The following EPM2A variants were observed in gnomAD, a reference collection of about 807,000 sequenced individuals.
The protein encoded by EPM2A is laforin.
A neutral mutation model predicts 26.5 loss-of-function variants in EPM2A; 21 were observed. That is an observed-to-expected ratio of 0.79 (90% CI 0.56 to 1.14). The LOEUF (loss-of-function observed/expected upper bound fraction) is 1.14, where lower values mean the gene tolerates loss of function less well. Ranked by LOEUF, EPM2A falls within the 50% of genes most tolerant of loss-of-function variation. The pLI is 0.00. For missense variants in EPM2A, 458 were observed against 440.8 expected, an observed-to-expected ratio of 1.04 and a Z score of -0.35; for synonymous variants, 217 against 177.6, an observed-to-expected ratio of 1.22 and a Z score of -1.76.
chr6:145,440,401 T>C lies in EPM2A; in HGVS notation c.556-56304A>G, dbSNP rs111546651. Among the ~76,000 whole-genome samples the C allele has an allele frequency of 3.3e-5, 5 of 152,268 alleles. No homozygotes were observed. The East Asian group carries it at 9.7e-4, about 29-fold the overall frequency. ...GCTGCAATTCAAGTTGAGATTTAGG[T>C]GGTGACACTGCCAAACCATATAATT... On this transcript the variant is annotated intron_variant, in intron 4 of 4. Coordinates refer to the EPM2A transcript ENST00000638717.
At chr6:145,443,321 A>G (rs1025906973) in intron 4 of EPM2A, among the ~76,000 whole-genome samples, 1 of 152,208 alleles carries the variant, frequency 6.6e-6, no homozygotes, top group African/African-American at 2.4e-5. Context: ...TGCTTTGGGC[A>G]GTATAGCCAT....
chr6:145,619,543 C>T (rs1472388360), intron 2 of EPM2A, among the ~76,000 whole-genome samples: 1 of 152,162 alleles, frequency 6.6e-6, no homozygotes, highest in Admixed American at 6.5e-5. Context: ...GAGAGCTGGG[C>T]ACTCATAAGC....
intron 2 of EPM2A, among the ~76,000 whole-genome samples, chr6:145,678,977 G>C (rs1031662564): frequency 6.6e-6 from 1 of 152,064 alleles, no homozygotes; most frequent in African/African-American, 2.4e-5. Flanking sequence ...ATTATTCACA[G>C]TAGCAAAGAC....
intron 4 of EPM2A, among the ~76,000 whole-genome samples, chr6:145,426,116 G>A (rs1331235409): frequency 6.6e-6 from 1 of 152,074 alleles, no homozygotes; most frequent in Admixed American, 6.5e-5. Context: ...CTCTTCTCTG[G>A]TTGATATTCT....
exon 4 of EPM2A, chr6:145,501,742 G>A (rs1378806241): frequency 6.4e-6 from 3 of 469,216 alleles, no homozygotes; most frequent in Admixed American, 2.4e-5. Context: ...GTGTGAGCTT[G>A]CACCAGTCGT....
intron 2 of EPM2A, among the ~76,000 whole-genome samples, chr6:145,570,042 C>T (rs758281953): frequency 6.6e-6 from 1 of 152,040 alleles, no homozygotes; most frequent in Non-Finnish European, 1.5e-5. Flanking sequence ...GGATGCTAGG[C>T]CAGTCTCTGT....
At chr6:145,713,478 T>C (rs892289396) in intron 1 of EPM2A, among the ~76,000 whole-genome samples, 1 of 152,210 alleles carries the variant, frequency 6.6e-6, no homozygotes, top group Non-Finnish European at 1.5e-5. Flanking sequence ...ATAAAGCCAA[T>C]AAGTACCTGA....
intron 1 of EPM2A, among the ~76,000 whole-genome samples, chr6:145,693,456 T>C (rs533894774): frequency 1.3e-5 from 2 of 152,050 alleles, no homozygotes; most frequent in South Asian, 4.1e-4. Flanking sequence ...CTCTCACTTA[T>C]AAATGGAAGC....
intron 1 of EPM2A, among the ~76,000 whole-genome samples, chr6:145,708,425 A>C (rs900449486): frequency 6.6e-6 from 1 of 152,170 alleles, no homozygotes; most frequent in Admixed American, 6.5e-5. Flanking sequence ...CCCAGGGCCC[A>C]CTGCTGTATG....
chr6:145,592,231 A>G (rs374124645), intron 2 of EPM2A, among the ~76,000 whole-genome samples: 17 of 136,206 alleles, frequency 1.2e-4, no homozygotes, highest in African/African-American at 4.5e-4. Context: ...TCATTGTTCA[A>G]TTCCCACCTA....
At chr6:145,664,793 C>A (rs1400362589) in intron 2 of EPM2A, among the ~76,000 whole-genome samples, 1 of 151,842 alleles carries the variant, frequency 6.6e-6, no homozygotes, top group Non-Finnish European at 1.5e-5. Context: ...TGTAAAAGAA[C>A]AGAAATTATA....
intron 2 of EPM2A, among the ~76,000 whole-genome samples, chr6:145,661,538 G>A (rs541812960): frequency 2.6e-5 from 4 of 152,290 alleles, no homozygotes; most frequent in Admixed American, 1.3e-4. Context: ...AAGCTGAAAA[G>A]CTTTCACAGT....
chr6:145,605,312 G>T (rs1254799250), intron 2 of EPM2A, among the ~76,000 whole-genome samples: 1 of 152,078 alleles, frequency 6.6e-6, no homozygotes, highest in African/African-American at 2.4e-5. Flanking sequence ...CTTTGGCTTA[G>T]CATGTTCTTA....
intron 2 of EPM2A, among the ~76,000 whole-genome samples, chr6:145,563,930 C>A (rs762383592): frequency 5.3e-5 from 8 of 152,148 alleles, no homozygotes; most frequent in Non-Finnish European, 1.2e-4. Flanking sequence ...GAATCGGTTC[C>A]AGGATGCCCA....
chr6:145,554,272 C>G (rs1254612563), intron 2 of EPM2A, among the ~76,000 whole-genome samples: 3 of 151,882 alleles, frequency 2.0e-5, no homozygotes, highest in African/African-American at 7.3e-5. Context: ...AAGTATGGAC[C>G]TCAGACCCAG....
intron 2 of EPM2A, among the ~76,000 whole-genome samples, chr6:145,683,325 T>C (rs1245355606): frequency 8.9e-6 from 1 of 112,614 alleles, no homozygotes; most frequent in Non-Finnish European, 2.0e-5. Context: ...ATATATTAGA[T>C]TATATATTAT....
At chr6:145,404,406 T>A (rs1778538603) in intron 4 of EPM2A, among the ~76,000 whole-genome samples, 1 of 152,080 alleles carries the variant, frequency 6.6e-6, no homozygotes, top group Non-Finnish European at 1.5e-5. Context: ...ATTTATTTTG[T>A]ATGTAAATTG....
chr6:145,624,935 T>A (rs1775716507), downstream of EPM2A, among the ~76,000 whole-genome samples: 1 of 152,240 alleles, frequency 6.6e-6, no homozygotes, highest in African/African-American at 2.4e-5. Flanking sequence ...ATGTTTCAAG[T>A]CTGAAAGAAA....
chr6:145,599,875 C>A (rs2128549784), intron 2 of EPM2A, among the ~76,000 whole-genome samples: 1 of 152,116 alleles, frequency 6.6e-6, no homozygotes, highest in Admixed American at 6.5e-5. Flanking sequence ...CCTCTATATT[C>A]TTTAATCAAA....
Sources: gnomAD v4.1 joint callset for allele counts (sites outside exome capture counted in the v4.1 genomes callset) on GRCh38, gnomAD v4.1.1 for gene constraint, MANE v1.5 for transcripts, NCBI Gene and HGNC (gene_info 2026-07-23, HGNC 2026-07-21) for gene names.